Variants in LRRC7 observed in about 807,000 individuals in gnomAD.
LRRC7 encodes the protein leucine rich repeat containing 7, also known as leucine-rich repeat-containing protein 7.
A neutral mutation model predicts 175.7 loss-of-function variants in LRRC7; 23 were observed. The observed-to-expected ratio is 0.13, with a 90% CI of 0.09 to 0.19. The LOEUF is 0.19. Among genes scored for constraint, LRRC7 ranks in the 10% least tolerant of loss-of-function variants. LRRC7 has a pLI of 1.00. For synonymous variants in LRRC7, 685 were observed against 680.9 expected (o/e 1.01, Z -0.09); for missense variants, 1,354 against 1,904.7 (o/e 0.71, Z 5.38).
chr1:69,783,680 A>G (rs1674051097), intron 3 of LRRC7, among the ~76,000 whole-genome samples: 1 of 138,994 alleles, frequency 7.2e-6, no homozygotes, highest in South Asian at 2.5e-4. Context: ...TGAATCTGGG[A>G]GGAGGAGGTT....
chr1:69,835,006 G>A, intron 6 of LRRC7, 137 bp downstream of exon 6: 1 of 587,452 alleles, frequency 1.7e-6, no homozygotes, highest in South Asian at 3.2e-5. Context: ...ATGAAACGCT[G>A]TTAATTAATG....
rs1471154558 is a variant in LRRC7, at chr1:70,128,482, G to C, written c.*6595G>C. 4 of 152,108 alleles carry C rather than the reference G, an allele frequency of 2.6e-5. No homozygotes were observed. The East Asian group carries it at 7.7e-4, about 29-fold the overall frequency. The allele number at this position is 152,108 out of a possible 1,614,324, so 9.4% of individuals were successfully genotyped here. The stretch of plus-strand genomic sequence containing the variant: ...CAAGTATCTTTACATCCAGAGTAAA[G>C]TATCTTAGTACAGGGAACTTTATTT... On this transcript the variant is annotated 3_prime_UTR_variant, in exon 27 of 27. Transcript: ENST00000651989.
intron 1 of LRRC7, among the ~76,000 whole-genome samples, chr1:69,582,962 G>A (rs1242245357): frequency 6.6e-6 from 1 of 151,390 alleles, no homozygotes; most frequent in Non-Finnish European, 1.5e-5. Context: ...AGACATTTGG[G>A]GAAAAATAAC....
At chr1:69,656,249 A>C (rs116481835) in intron 1 of LRRC7, among the ~76,000 whole-genome samples, 1 of 152,020 alleles carries the variant, frequency 6.6e-6, no homozygotes, top group Admixed American at 6.6e-5. Context: ...AATTTTACCC[A>C]CAAACATTAC....
intron 4 of LRRC7, among the ~76,000 whole-genome samples, chr1:69,818,723 G>A (rs1490845511): frequency 6.6e-6 from 1 of 152,060 alleles, no homozygotes; most frequent in African/African-American, 2.4e-5. Context: ...TGAAGTCATA[G>A]GGTACTGGGC....
At position 70,126,608 on chromosome 1, in the gene LRRC7, C is replaced by A. The variant is rs1187024011; in HGVS notation, c.*4721C>A. Among the ~76,000 whole-genome samples, 2 of 152,108 alleles carry A rather than the reference C, an allele frequency of 1.3e-5. No individual in the cohort carries two copies. The highest frequency in any genetic ancestry group is 2.9e-5 in the Non-Finnish European group (2 of 68,050). ...GGCTCAGAATATTTCCCATCACCCA[C>A]CAACACCATACCCAAAGAATACATT... On this transcript the variant is annotated 3_prime_UTR_variant, in exon 27 of 27. Coordinates refer to ENST00000651989, the MANE Select transcript of LRRC7 (RefSeq NM_001370785.2).
intron 4 of LRRC7, among the ~76,000 whole-genome samples, chr1:69,801,158 CA>C (rs1676436505): frequency 6.6e-6 from 1 of 151,612 alleles, no homozygotes; most frequent in South Asian, 2.1e-4. Context: ...TCTATGTTCA[CA>C]AGGATATTGA....
At chr1:69,809,735 TA>T (rs1483402782) in intron 4 of LRRC7, among the ~76,000 whole-genome samples, 1 of 152,172 alleles carries the variant, frequency 6.6e-6, no homozygotes, top group Non-Finnish European at 1.5e-5. Context: ...CCTTTCATGC[TA>T]AAAACTCTCA....
chr1:69,904,841 T>C (rs1434617315), intron 7 of LRRC7, among the ~76,000 whole-genome samples: 1 of 152,098 alleles, frequency 6.6e-6, no homozygotes, highest in African/African-American at 2.4e-5. Flanking sequence ...AACCCTTGAG[T>C]AGGCCCTGGC....
intron 24 of LRRC7, among the ~76,000 whole-genome samples, chr1:70,081,845 C>T (rs760818726): frequency 5.9e-5 from 9 of 152,124 alleles, no homozygotes; most frequent in Non-Finnish European, 1.3e-4. Flanking sequence ...TGTCTCCTGC[C>T]AGTGCCTGCA....
chr1:69,823,456 C>T (rs1000249177), intron 4 of LRRC7, among the ~76,000 whole-genome samples: 2 of 152,216 alleles, frequency 1.3e-5, no homozygotes, highest in Non-Finnish European at 2.9e-5. Context: ...TCTTTTTCAT[C>T]CCATTTTTTA....
In LRRC7 at chr1:69,754,378, A is replaced by G. The variant is rs868796740; in HGVS notation, c.101-5813A>G. On this transcript the variant is annotated intron_variant, in intron 2 of 26. Transcript: ENST00000651989. ...GGCTTGTTCAGGAAATGTTTAGGGT[A>G]TTTAATGTTTAGGAGATGGTGATTG... Among the ~76,000 whole-genome samples the G allele has an allele frequency of 2.0e-5, 3 of 152,146 alleles. No individual in the cohort carries two copies. In the South Asian group the frequency reaches 6.2e-4, roughly 32 times the overall value.
intron 2 of LRRC7, among the ~76,000 whole-genome samples, chr1:69,729,440 T>C (rs1220994817): frequency 6.6e-6 from 1 of 152,102 alleles, no homozygotes; most frequent in Non-Finnish European, 1.5e-5. Context: ...AGGTATTATG[T>C]AAATATACCC....
chr1:69,824,152 T>C (rs1309575884), intron 4 of LRRC7, among the ~76,000 whole-genome samples: 1 of 152,138 alleles, frequency 6.6e-6, no homozygotes, highest in Admixed American at 6.6e-5. Flanking sequence ...AATTCAAGCA[T>C]ATACCATTTT....
rs552339451 is a variant in LRRC7 at position 69,663,700 on chromosome 1, A to ATTTTTT, written c.3-14654_3-14649dup. Among the ~76,000 whole-genome samples, 195 of 67,758 alleles carry ATTTTTT rather than the reference A, an allele frequency of 2.9e-3. 19 individuals carry two copies. Among genetic ancestry groups the ATTTTTT allele is most frequent in the African/African-American group, 7.6e-3 (114 of 14,954 alleles). The allele number at this position is 67,758 out of a possible 152,430, so 44.5% of individuals were successfully genotyped here. ...TGTCTCCATTAGTTCAATCGTTTTA[A>ATTTTTT]TTTTTTTTTTTTTTTTTTTTTTTTT... On this transcript the variant is annotated intron_variant, in intron 1 of 26. Coordinates refer to ENST00000651989, the MANE Select transcript of LRRC7 (RefSeq NM_001370785.2).
chr1:69,754,432 G>A (rs924102663), intron 2 of LRRC7, among the ~76,000 whole-genome samples: 1 of 152,108 alleles, frequency 6.6e-6, no homozygotes, highest in South Asian at 2.1e-4. Context: ...AGAATTGGAG[G>A]AATCAAAATT....
chr1:69,946,751 T>C (rs1649362325), intron 8 of LRRC7, among the ~76,000 whole-genome samples: 1 of 152,030 alleles, frequency 6.6e-6, no homozygotes, highest in African/African-American at 2.4e-5. Flanking sequence ...GAATATCTTT[T>C]TTCATCCATT....
chr1:69,903,991 C>G (rs1426478347), intron 7 of LRRC7, among the ~76,000 whole-genome samples: 1 of 152,124 alleles, frequency 6.6e-6, no homozygotes, highest in Non-Finnish European at 1.5e-5. Context: ...ATAACAAGCT[C>G]TGAAATTGAG....
At chr1:69,686,388 C>G (rs1168517980) in intron 2 of LRRC7, among the ~76,000 whole-genome samples, 1 of 151,994 alleles carries the variant, frequency 6.6e-6, no homozygotes, top group Non-Finnish European at 1.5e-5. Flanking sequence ...ATGGTTGAAG[C>G]AAAAACTATA....
Sources: allele counts gnomAD v4.1 joint callset (sites outside exome capture counted in the v4.1 genomes callset), GRCh38; gene constraint gnomAD v4.1.1; transcripts MANE v1.5; gene names NCBI Gene and HGNC (gene_info 2026-07-23, HGNC 2026-07-21).